Variants in CUL3 observed in about 807,000 individuals in gnomAD.
CUL3 encodes the protein cullin 3.
In CUL3, 19 loss-of-function variants were observed where a neutral mutation model predicts 89.1. The ratio of observed to expected loss-of-function variants is 0.21; its 90% CI spans 0.15 to 0.31. CUL3 has a LOEUF of 0.31. Ranked by LOEUF, CUL3 falls within the 10% of genes least tolerant of loss-of-function variation. The pLI is 1.00. For synonymous variants in CUL3, 351 were observed against 308.4 expected (o/e 1.14, Z -1.45); for missense variants, 469 against 942.3 (o/e 0.50, Z 6.58).
Position 224,471,716 on chromosome 2 carries a change from T to C in CUL3, c.*2529A>G. The C allele has an allele frequency of 4.5e-6, 1 of 223,026 alleles. No homozygotes were observed. Among genetic ancestry groups the C allele is most frequent in the Non-Finnish European group, 9.0e-6 (1 of 111,586 alleles). The allele number at this position is 223,026 out of a possible 1,614,324, so 13.8% of individuals were successfully genotyped here. A position where few individuals can be genotyped will look rare whatever the true frequency, so the allele number is the denominator to read the frequency against. ...TTTTGTGAGGCTGTGCGTTCCCTAA[T>C]TGCAATGAATTTTCAGTCTTTAAAT... On this transcript the variant is annotated 3_prime_UTR_variant, in exon 16 of 16. Coordinates refer to ENST00000264414, the MANE Select transcript of CUL3 (RefSeq NM_003590.5).
chr2:224,557,900 A>AAAAAAAAAAAAC, intron 1 of CUL3, 44 bp from the exon 2 acceptor site: 1 of 1,131,826 alleles, frequency 8.8e-7, no homozygotes. Flanking sequence ...AAAAAAAAAA[A>AAAAAAAAAAAAC]AAAAACCAAT....
Position 224,510,582 on chromosome 2 carries a change from G to A in CUL3, c.883+772C>T, listed in dbSNP as rs578139757. 7.2e-5 allele frequency among the ~76,000 whole-genome samples: 11 copies of A among 152,216 alleles called. No individual in the cohort carries two copies. In the East Asian group the frequency reaches 2.1e-3, roughly 29 times the overall value. ...ATATTGCTTAGATTTCGTCTAGGAA[G>A]CAGGAGAACAAAGTACCATGTTTTT... On this transcript the variant is annotated intron_variant, in intron 6 of 15. Transcript: ENST00000264414.
At chr2:224,486,340 CCTAAGAAG>C (rs768454946) in intron 13 of CUL3, among the ~76,000 whole-genome samples, 7 of 151,998 alleles carry the variant, frequency 4.6e-5, no homozygotes, top group East Asian at 1.9e-4. Context: ...ATGTTCTAAC[CCTAAGAAG>C]CTAAGAAGCT....
Position 224,538,517 on chromosome 2 carries a change from T to C in CUL3, c.265-2876A>G, listed in dbSNP as rs550844483. Among the ~76,000 whole-genome samples, 10 of 152,332 alleles carry C rather than the reference T, an allele frequency of 6.6e-5. No individual in the cohort carries two copies. The East Asian group carries it at 1.7e-3, about 26-fold the overall frequency. On this transcript the variant is annotated intron_variant, in intron 2 of 15. Coordinates refer to ENST00000264414, the MANE Select transcript of CUL3 (RefSeq NM_003590.5). Reference sequence around the variant, plus strand: ...GGATAACATTGTTAATCTCATGGCCTAACACAATCACCTACTTTCTGCACC... The same window carrying C: ...GGATAACATTGTTAATCTCATGGCCCAACACAATCACCTACTTTCTGCACC...
intron 13 of CUL3, among the ~76,000 whole-genome samples, chr2:224,487,114 GAAGCACTA>G (rs1456682250): frequency 1.3e-5 from 2 of 152,158 alleles, no homozygotes; most frequent in Non-Finnish European, 2.9e-5. Context: ...GCTTCTGAAG[GAAGCACTA>G]AATATGGAAA....
intron 13 of CUL3, among the ~76,000 whole-genome samples, chr2:224,491,631 C>G (rs1420477207): frequency 6.6e-6 from 1 of 152,156 alleles, no homozygotes; most frequent in Non-Finnish European, 1.5e-5. Flanking sequence ...GCAACTTCAT[C>G]TTGTTCCTCA....
At chr2:224,582,826 A>G (rs1695473620) in intron 1 of CUL3, among the ~76,000 whole-genome samples, 1 of 152,354 alleles carries the variant, frequency 6.6e-6, no homozygotes. Context: ...ACAGACCCCC[A>G]GAACAGTGCC....
At chr2:224,551,497 G>T (rs186656769) in intron 2 of CUL3, among the ~76,000 whole-genome samples, 3 of 151,174 alleles carry the variant, frequency 2.0e-5, no homozygotes. Flanking sequence ...GAGCCACCAC[G>T]CCTGGTCAAT....
At chr2:224,515,249 C>T (rs1195403245) in intron 3 of CUL3, among the ~76,000 whole-genome samples, 1 of 152,196 alleles carries the variant, frequency 6.6e-6, no homozygotes, top group African/African-American at 2.4e-5. Context: ...AATAGAGCAG[C>T]ATTAAGTATT....
intron 1 of CUL3, among the ~76,000 whole-genome samples, chr2:224,571,570 G>C (rs1695181203): frequency 6.6e-6 from 1 of 152,090 alleles, no homozygotes; most frequent in African/African-American, 2.4e-5. Context: ...AATAAGATAT[G>C]ACAGCAAAAG....
At chr2:224,574,872 T>G (rs894453982) in intron 1 of CUL3, among the ~76,000 whole-genome samples, 15 of 152,214 alleles carry the variant, frequency 9.9e-5, no homozygotes, top group Non-Finnish European at 1.8e-4. Flanking sequence ...TTCAACATTG[T>G]GTACTATATG....
intron 3 of CUL3, among the ~76,000 whole-genome samples, chr2:224,528,102 T>TAAA (rs1693544124): frequency 6.6e-6 from 1 of 152,226 alleles, no homozygotes; most frequent in Non-Finnish European, 1.5e-5. Context: ...ATTAGTTTCT[T>TAAA]ATTGCTGCTG....
chr2:224,534,655 T>C (rs1231837753), intron 3 of CUL3, among the ~76,000 whole-genome samples: 1 of 152,136 alleles, frequency 6.6e-6, no homozygotes, highest in Non-Finnish European at 1.5e-5. Flanking sequence ...CAGTTTCTCA[T>C]TCTAAGCATT....
At chr2:224,481,871 G>C in intron 14 of CUL3, 21 bp downstream of exon 14, 1 of 1,419,094 alleles carries the variant, frequency 7.0e-7, no homozygotes, top group South Asian at 1.7e-5. Flanking sequence ...TTTTTGAGAG[G>C]AAAAATATAA....
chr2:224,517,583 C>G (rs950627230), intron 3 of CUL3, among the ~76,000 whole-genome samples: 2 of 152,114 alleles, frequency 1.3e-5, no homozygotes, highest in African/African-American at 4.8e-5. Flanking sequence ...TGAGGCAGAA[C>G]AATCAGTTCA....
chr2:224,522,134 C>T (rs1693290979), intron 3 of CUL3, among the ~76,000 whole-genome samples: 1 of 150,304 alleles, frequency 6.7e-6, no homozygotes, highest in Non-Finnish European at 1.5e-5. Context: ...TTAGAACTTG[C>T]CTTACCAAAT....
chr2:224,542,552 T>C (rs1694152844), intron 2 of CUL3, among the ~76,000 whole-genome samples: 1 of 143,012 alleles, frequency 7.0e-6, no homozygotes, highest in Admixed American at 7.1e-5. Flanking sequence ...GCTGTGTGCG[T>C]GTGCGTGTGT....
intron 3 of CUL3, among the ~76,000 whole-genome samples, chr2:224,523,592 A>G (rs1345995008): frequency 6.6e-6 from 1 of 152,250 alleles, no homozygotes; most frequent in Non-Finnish European, 1.5e-5. Flanking sequence ...ATGAAAGCAC[A>G]TCTTGAAGAG....
At chr2:224,501,116 A>AG (rs1230661394) in intron 10 of CUL3, among the ~76,000 whole-genome samples, 20 of 152,218 alleles carry the variant, frequency 1.3e-4, no homozygotes, top group Admixed American at 5.2e-4. Context: ...TAAAAGGTCA[A>AG]GGAGGGTCAA....
Sources: gnomAD v4.1 joint callset for allele counts (sites outside exome capture counted in the v4.1 genomes callset) on GRCh38, gnomAD v4.1.1 for gene constraint, MANE v1.5 for transcripts, NCBI Gene and HGNC (gene_info 2026-07-23, HGNC 2026-07-21) for gene names.